MGAM2: variants seen among roughly 807,000 people sequenced by gnomAD.
MGAM2 encodes maltase-glucoamylase 2 (putative).
Under a neutral mutation model 96.1 loss-of-function variants are expected in MGAM2, and 98 were observed. That is an observed-to-expected ratio of 1.02 (90% CI 0.87 to 1.21). The LOEUF is 1.21. MGAM2 is among the 50% of genes most tolerant of loss of function. The probability of loss-of-function intolerance (pLI) is 0.00; values close to 1 mark genes in which losing one functional copy is unlikely to be tolerated. For synonymous variants in MGAM2, 749 were observed against 414.8 expected (o/e 1.81, Z -9.79); for missense variants, 2,055 against 1,182.4 (o/e 1.74, Z -10.82).
intron 37 of MGAM2, among the ~76,000 whole-genome samples, chr7:142,195,518 GC>G (rs2129099494): frequency 1.0e-5 from 1 of 100,332 alleles, no homozygotes; most frequent in East Asian, 2.5e-4. Context: ...ACCACACCCG[GC>G]TAATTTTTTT....
At chr7:142,195,113 G>T (rs1012827056) in intron 37 of MGAM2, among the ~76,000 whole-genome samples, 1 of 151,992 alleles carries the variant, frequency 6.6e-6, no homozygotes, top group Non-Finnish European at 1.5e-5. Flanking sequence ...CTTTTATTTG[G>T]ATCCCAGATC....
chr7:142,123,324 C>A (rs1794642180), intron 3 of MGAM2, among the ~76,000 whole-genome samples: 1 of 151,828 alleles, frequency 6.6e-6, no homozygotes. Flanking sequence ...TGGCTCTATA[C>A]CTAAGGATGG....
chr7:142,114,153 G>GGAAAGAAAGAAAGAAA (rs772126693), intron 1 of MGAM2, among the ~76,000 whole-genome samples: 1,440 of 86,998 alleles, frequency 0.017, 37 homozygotes, highest in Middle Eastern at 0.024. Flanking sequence ...AAAGAAAGAA[G>GGAAAGAAAGAAAGAAA]GAAAGAAAGA....
rs1796356783 is a variant in MGAM2, at chr7:142,175,797, A to G, written c.3816+17A>G. On this transcript the variant is annotated intron_variant, in intron 32 of 47. Coordinates refer to ENST00000477922, the MANE Select transcript of MGAM2 (RefSeq NM_001293626.2). Reference sequence around the variant, plus strand: ...CTCATTTTGGTATGTATTGAGACAGATCAGATCCTACTTTCTGTTTCCATA... The same window carrying G: ...CTCATTTTGGTATGTATTGAGACAGGTCAGATCCTACTTTCTGTTTCCATA... The G allele has an allele frequency of 1.4e-6, 1 of 699,682 alleles. No homozygotes were observed. Among genetic ancestry groups the G allele is most frequent in the East Asian group, 2.7e-5 (1 of 37,210 alleles). 43.3% of individuals were successfully genotyped at this position (699,682 alleles called of 1,614,324 possible). A position where few individuals can be genotyped will look rare whatever the true frequency, so the allele number is the denominator to read the frequency against.
At chr7:142,177,275 C>T (rs1449979769) in intron 32 of MGAM2, among the ~76,000 whole-genome samples, 1 of 152,122 alleles carries the variant, frequency 6.6e-6, no homozygotes, top group African/African-American at 2.4e-5. Context: ...CAGGGAAACT[C>T]CCCTTTTTAA....
rs766162529 is a variant in MGAM2 at position 142,210,387 on chromosome 7, CTTG to C, written c.5187+1766_5187+1768del. On this transcript the variant is annotated intron_variant, in intron 46 of 47. Transcript: ENST00000477922. ...CTGGAAAGCCAGGGAGCCGAGTGCCCTTGCTCAGCGGATCCCAACCCCACAGAG... is the reference window on the plus strand; with the variant it reads ...CTGGAAAGCCAGGGAGCCGAGTGCCCCTCAGCGGATCCCAACCCCACAGAG... 1.1e-3 allele frequency among the ~76,000 whole-genome samples: 163 copies of C among 152,208 alleles called. 1 individual carries two copies. The highest frequency in any genetic ancestry group is 0.01 in the Middle Eastern group (3 of 294).
intron 45 of MGAM2, among the ~76,000 whole-genome samples, chr7:142,203,187 T>C (rs927057496): frequency 3.3e-5 from 5 of 152,204 alleles, no homozygotes; most frequent in Non-Finnish European, 7.3e-5. Flanking sequence ...TAGACCTTTG[T>C]TGGATGCATA....
rs1171073020 is a variant in MGAM2, at chr7:142,116,841, TTTGTTTTAACCCAATTATCTGTGTC to T, written c.1-31_1-7del. On this transcript the variant is annotated splice_polypyrimidine_tract_variant and splice_region_variant and intron_variant, in intron 1 of 47. Transcript: ENST00000477922. ...CTCTTAGATTGGTGGGGCCTTGTGA[TTTGTTTTAACCCAATTATCTGTGTC>T]TATCTAGATGGCGAGGAAGCTCAGT... The T allele has an allele frequency of 5.7e-6, 4 of 703,094 alleles. No homozygotes were observed. The African/African-American group carries it at 7.0e-5, about 12-fold the overall frequency. 43.6% of individuals were successfully genotyped at this position (703,094 alleles called of 1,614,324 possible).
chr7:142,201,718 C>A (rs1797240355), intron 45 of MGAM2, among the ~76,000 whole-genome samples: 2 of 152,106 alleles, frequency 1.3e-5, no homozygotes, highest in Non-Finnish European at 2.9e-5. Flanking sequence ...ATTTTGTAAA[C>A]AATACAGGAT....
In MGAM2 at chr7:142,130,248, C is replaced by T. The variant is rs376557771; in HGVS notation, c.187-700C>T. On this transcript the variant is annotated intron_variant, in intron 3 of 47. Transcript: ENST00000477922. ...CCCTCTGTCCTAGTTTTATTTTAAT[C>T]GTCTCTAGTTTTCTTAGCTTCACTT... Among the ~76,000 whole-genome samples, 37 of 152,158 alleles carry T rather than the reference C, an allele frequency of 2.4e-4. No homozygotes were observed. In the South Asian group the frequency reaches 7.3e-3, roughly 30 times the overall value.
intron 3 of MGAM2, among the ~76,000 whole-genome samples, chr7:142,129,880 A>T (rs1794837807): frequency 7.0e-6 from 1 of 142,314 alleles, no homozygotes. Flanking sequence ...TTCAGTTGTA[A>T]TTGAATTTCT....
In MGAM2 at chr7:142,145,133, C is replaced by G. The variant is rs548328991; in HGVS notation, c.1516+188C>G. ...TGATTACCCTTTTGCTGTCATAACT[C>G]CAGGGCAAGCATGTGACAAAGTCTG... On this transcript the variant is annotated intron_variant, in intron 14 of 47. Transcript: ENST00000477922. 5.9e-5 allele frequency among the ~76,000 whole-genome samples: 9 copies of G among 152,264 alleles called. No individual in the cohort carries two copies. The East Asian group carries it at 1.7e-3, about 29-fold the overall frequency.
At chr7:142,122,152 A>G (rs1453454238) in intron 3 of MGAM2, among the ~76,000 whole-genome samples, 1 of 152,198 alleles carries the variant, frequency 6.6e-6, no homozygotes, top group African/African-American at 2.4e-5. Flanking sequence ...AAATTTCACC[A>G]TTAATATTTT....
At chr7:142,139,438 T>A (rs1447668224) in intron 10 of MGAM2, among the ~76,000 whole-genome samples, 2 of 152,008 alleles carry the variant, frequency 1.3e-5, no homozygotes, top group Admixed American at 1.3e-4. Context: ...GGCGGGCAGA[T>A]CACTTGAGGT....
chr7:142,172,139 A>G lies in MGAM2; in HGVS notation c.3393A>G (p.Ala1131=). 1.4e-6 allele frequency: 1 copy of G among 736,174 alleles called. No homozygotes were observed. 45.6% of individuals were successfully genotyped at this position (736,174 alleles called of 1,614,324 possible). A position where few individuals can be genotyped will look rare whatever the true frequency, so the allele number is the denominator to read the frequency against. The part of the protein sequence containing the change: ...NSYGVHPYYM[A]LEEDGSAHGV... ...ATGGTGTCCACCCTTACTACATGGCACTGGAGGAGGATGGTAGTGCCCATG... is the reference window on the plus strand; with the variant it reads ...ATGGTGTCCACCCTTACTACATGGCGCTGGAGGAGGATGGTAGTGCCCATG... The change falls in exon 29 of 48, where the codon GCA becomes GCG. Residue 1131 remains alanine, a synonymous_variant. Transcript: ENST00000477922.
intron 15 of MGAM2, 76 bp downstream of exon 15, chr7:142,147,649 A>G (rs1038437293): frequency 2.8e-5 from 17 of 597,442 alleles, no homozygotes; most frequent in Non-Finnish European, 3.9e-5. Context: ...CTTCTGTTCT[A>G]TATGTAATAT....
intron 1 of MGAM2, among the ~76,000 whole-genome samples, chr7:142,116,041 A>G (rs547929976): frequency 2.6e-5 from 4 of 152,162 alleles, no homozygotes; most frequent in Non-Finnish European, 5.9e-5. Flanking sequence ...GCTGTCATGG[A>G]TCTGTAGACA....
Position 142,220,682 on chromosome 7 carries a change from T to C in MGAM2, c.6171T>C (p.Thr2057=), listed in dbSNP as rs569855166. ...CTACTAGTACTAGCACTAGTGCTAC[T>C]GTTCCTATTACAACCACACCTTCCC... ...TSTTSTSTSA[T]VPITTTPSPT... Residue 2057 remains threonine, a synonymous_variant, in exon 48 of 48, where the codon ACT becomes ACC. Transcript: ENST00000477922. 8.4e-4 allele frequency: 587 copies of C among 702,352 alleles called. No homozygotes were observed. Among genetic ancestry groups the C allele is most frequent in the Non-Finnish European group, 1.4e-3 (525 of 384,864 alleles). The allele number at this position is 702,352 out of a possible 1,614,324, so 43.5% of individuals were successfully genotyped here. A position where few individuals can be genotyped will look rare whatever the true frequency, so the allele number is the denominator to read the frequency against.
chr7:142,131,906 G>C, intron 5 of MGAM2, 25 bp from the exon 6 acceptor site: 2 of 695,854 alleles, frequency 2.9e-6, no homozygotes, highest in Middle Eastern at 2.4e-4. Flanking sequence ...ATCTGCAGTT[G>C]TCCCTTCTGT....
Sources: gnomAD v4.1 joint callset for allele counts (sites outside exome capture counted in the v4.1 genomes callset) on GRCh38, gnomAD v4.1.1 for gene constraint, MANE v1.5 for transcripts, NCBI Gene and HGNC (gene_info 2026-07-23, HGNC 2026-07-21) for gene names.